Variants in JAKMIP2 observed in about 807,000 individuals in gnomAD.
JAKMIP2 encodes janus kinase and microtubule interacting protein 2.
A neutral mutation model predicts 115.0 loss-of-function variants in JAKMIP2; 25 were observed. The ratio of observed to expected loss-of-function variants is 0.22; its 90% CI spans 0.16 to 0.30. JAKMIP2 has a LOEUF of 0.30. JAKMIP2 is among the 10% of genes least tolerant of loss of function. JAKMIP2 has a pLI of 1.00. For synonymous variants in JAKMIP2, 334 were observed against 343.6 expected (o/e 0.97, Z 0.31); for missense variants, 642 against 957.6 (o/e 0.67, Z 4.35).
intron 1 of JAKMIP2, among the ~76,000 whole-genome samples, chr5:147,742,155 A>ATATATATATATATATATATT: frequency 4.6e-5 from 5 of 108,880 alleles, no homozygotes; most frequent in African/African-American, 1.9e-4. Context: ...ATATATATAT[A>ATATATATATATATATATATT]TTTTTTTTAC....
At chr5:147,656,134 T>G (rs1758661217) in intron 3 of JAKMIP2, among the ~76,000 whole-genome samples, 1 of 152,244 alleles carries the variant, frequency 6.6e-6, no homozygotes, top group Non-Finnish European at 1.5e-5. Flanking sequence ...GATTTTAGAA[T>G]AAGTGCCATG....
Position 147,661,404 on chromosome 5 carries a change from C to T in JAKMIP2, c.171G>A (p.Arg57=). ...GCTTGCGCTGCTCCAGCTCACGAAT[C>T]CTCTTCGCTTCTTGAGTCTTCTCTC... ...LEREKTQEAK[R]IRELEQRKHT... The change falls in exon 3 of 22, where the codon AGG becomes AGA. Residue 57 remains arginine (R), a synonymous_variant. Transcript: ENST00000616793. 6.2e-7 allele frequency: 1 copy of T among 1,613,726 alleles called. No homozygotes were observed. The highest frequency in any genetic ancestry group is 8.5e-7 in the Non-Finnish European group (1 of 1,179,944).
intron 1 of JAKMIP2, among the ~76,000 whole-genome samples, chr5:147,690,558 T>C (rs200541063): frequency 3.2e-5 from 3 of 93,846 alleles, no homozygotes; most frequent in African/African-American, 1.1e-4. Context: ...TATATATATA[T>C]ATATATATAT....
intron 1 of JAKMIP2, among the ~76,000 whole-genome samples, chr5:147,725,346 C>T (rs925902181): frequency 3.3e-5 from 5 of 152,116 alleles, no homozygotes; most frequent in South Asian, 2.1e-4. Flanking sequence ...ACCACTACTC[C>T]GCCCATGGAG....
chr5:147,735,284 G>T (rs1029077695), intron 1 of JAKMIP2, among the ~76,000 whole-genome samples: 1 of 152,118 alleles, frequency 6.6e-6, no homozygotes, highest in Non-Finnish European at 1.5e-5. Flanking sequence ...ATGGTAAAGC[G>T]CTCTTCAAAT....
intron 1 of JAKMIP2, among the ~76,000 whole-genome samples, chr5:147,748,657 C>T (rs1754441466): frequency 6.6e-6 from 1 of 151,980 alleles, no homozygotes; most frequent in Non-Finnish European, 1.5e-5. Flanking sequence ...ACCACATGTA[C>T]AATAAAGAAA....
At chr5:147,730,729 C>CG (rs1753699110) in intron 1 of JAKMIP2, among the ~76,000 whole-genome samples, 1 of 152,208 alleles carries the variant, frequency 6.6e-6, no homozygotes, top group African/African-American at 2.4e-5. Flanking sequence ...GCTGGGATTA[C>CG]AGGTGTGAGC....
intron 9 of JAKMIP2, among the ~76,000 whole-genome samples, chr5:147,640,116 C>G (rs1329348707): frequency 6.6e-6 from 1 of 151,932 alleles, no homozygotes; most frequent in Non-Finnish European, 1.5e-5. Flanking sequence ...CTAGAATTTT[C>G]TTATTTCTTT....
At chr5:147,597,589 T>C (rs1334176632) in intron 21 of JAKMIP2, among the ~76,000 whole-genome samples, 1 of 152,216 alleles carries the variant, frequency 6.6e-6, no homozygotes, top group African/African-American at 2.4e-5. Context: ...GGTGCTGTCA[T>C]GTTCTTCATT....
At chr5:147,696,084 T>C (rs952801045) in intron 1 of JAKMIP2, among the ~76,000 whole-genome samples, 8 of 152,186 alleles carry the variant, frequency 5.3e-5, no homozygotes, top group South Asian at 2.1e-4. Flanking sequence ...ATATCCCTTA[T>C]GGAGGTTGGA....
intron 10 of JAKMIP2, 97 bp from the exon 11 acceptor site, chr5:147,637,145 AAAG>A (rs371256260): frequency 5.8e-5 from 43 of 747,448 alleles, no homozygotes; most frequent in South Asian, 5.3e-4. Flanking sequence ...GAGAGGAAAA[AAAG>A]AAGAATTTTC....
At position 147,618,286 on chromosome 5, in the gene JAKMIP2, T is replaced by C. The variant is rs12655190; in HGVS notation, c.2143-172A>G. Among the ~76,000 whole-genome samples, 987 of 152,300 alleles carry C rather than the reference T, an allele frequency of 6.5e-3. 52 individuals are homozygous for C. The East Asian group carries it at 0.13, about 20-fold the overall frequency. On this transcript the variant is annotated intron_variant, in intron 18 of 21. Coordinates refer to ENST00000616793, the MANE Select transcript of JAKMIP2 (RefSeq NM_001270941.2). ...CCTAATTACACTTCTGAAAATCTCC[T>C]TTTATGAGATTCCATAAGGGTCATC... is the stretch of plus-strand genomic sequence containing the variant.
At chr5:147,773,862 C>A (rs1440133088) in intron 1 of JAKMIP2, among the ~76,000 whole-genome samples, 1 of 152,070 alleles carries the variant, frequency 6.6e-6, no homozygotes, top group African/African-American at 2.4e-5. Flanking sequence ...TGTGGACAAT[C>A]TGGCTAAGAA....
chr5:147,681,507 A>G (rs1455462039), intron 1 of JAKMIP2, among the ~76,000 whole-genome samples: 2 of 151,998 alleles, frequency 1.3e-5, no homozygotes, highest in Admixed American at 6.6e-5. Context: ...CCGGGTTTTC[A>G]TTTTCACTTT....
At chr5:147,718,297 T>C (rs1753102435) in intron 1 of JAKMIP2, among the ~76,000 whole-genome samples, 1 of 149,868 alleles carries the variant, frequency 6.7e-6, no homozygotes, top group Admixed American at 6.6e-5. Flanking sequence ...AGGATATTGG[T>C]CTAAAATTCT....
chr5:147,691,700 T>A (rs1751867610), intron 1 of JAKMIP2, among the ~76,000 whole-genome samples: 2 of 152,110 alleles, frequency 1.3e-5, no homozygotes, highest in Admixed American at 6.5e-5. Flanking sequence ...GAGAGGAGTG[T>A]TTGCTTCTCT....
At position 147,732,064 on chromosome 5, in the gene JAKMIP2, A is replaced by G. The variant is rs539662868; in HGVS notation, c.-149+50392T>C. Among the ~76,000 whole-genome samples, 3 of 152,340 alleles carry G rather than the reference A, an allele frequency of 2.0e-5. No homozygotes were observed. The East Asian group carries it at 5.8e-4, about 29-fold the overall frequency. On this transcript the variant is annotated intron_variant, in intron 1 of 21. Transcript: ENST00000616793. Reference sequence around the variant, plus strand: ...ATTACGTGGGTTTTTAAAACTAAATATTGCCAAGTAGTTGCAAGGTAAATT... The same window carrying G: ...ATTACGTGGGTTTTTAAAACTAAATGTTGCCAAGTAGTTGCAAGGTAAATT...
At chr5:147,747,337 C>T (rs2127010206) in intron 1 of JAKMIP2, among the ~76,000 whole-genome samples, 1 of 152,276 alleles carries the variant, frequency 6.6e-6, no homozygotes, top group East Asian at 1.9e-4. Flanking sequence ...TAAAACGTCA[C>T]TTCTACCTAG....
chr5:147,695,244 A>G (rs573860094), intron 1 of JAKMIP2, among the ~76,000 whole-genome samples: 1 of 152,352 alleles, frequency 6.6e-6, no homozygotes, highest in Admixed American at 6.5e-5. Flanking sequence ...ACGCTTAAAT[A>G]AAGAAAAGCC....
Sources: allele counts gnomAD v4.1 joint callset (sites outside exome capture counted in the v4.1 genomes callset), GRCh38; gene constraint gnomAD v4.1.1; transcripts MANE v1.5; gene names NCBI Gene and HGNC (gene_info 2026-07-23, HGNC 2026-07-21).